ZNF599: variants seen among roughly 807,000 people sequenced by gnomAD.
ZNF599 encodes the protein zinc finger protein 599.
ZNF599 carries 10 observed loss-of-function variants against 11.7 expected under a neutral mutation model. That is an observed-to-expected ratio of 0.86 (90% CI 0.53 to 1.45). The LOEUF (loss-of-function observed/expected upper bound fraction) is 1.45, where lower values mean the gene tolerates loss of function less well. ZNF599 is among the 40% of genes most tolerant of loss of function. The pLI, the probability that ZNF599 is intolerant of heterozygous loss-of-function variation, is 0.00. For missense variants in ZNF599, 688 were observed against 713.6 expected (o/e 0.96, Z 0.41); for synonymous variants, 232 against 253.2 (o/e 0.92, Z 0.79).
chr19:34,767,269 G>T, intron 3 of ZNF599, 47 bp downstream of exon 3: 1 of 1,469,220 alleles, frequency 6.8e-7, no homozygotes, highest in Non-Finnish European at 9.5e-7. Flanking sequence ...TGCCTGGGTG[G>T]TCTGCAGGCT....
chr19:34,780,159 T>C, the ZNF599 span: 3 of 152,360 alleles, frequency 2.0e-5, no homozygotes, highest in African/African-American at 7.2e-5. Context: ...TGTATGATGA[T>C]TTCTGCCCTG....
chr19:34,772,806 G>A lies in ZNF599; in HGVS notation c.18+18C>T, dbSNP rs1254503447. On this transcript the variant is annotated intron_variant, in intron 1 of 3. Transcript: ENST00000329285. ...GCGGTGACCCGAGCTCGCGCGGGCT[G>A]CGGAACCCTCCACTCACCAACGCCG... The A allele has an allele frequency of 3.3e-6, 5 of 1,533,392 alleles. No individual in the cohort carries two copies. In the South Asian group the frequency reaches 4.8e-5, roughly 15 times the overall value. The allele number at this position is 1,533,392 out of a possible 1,614,324, so 95.0% of individuals were successfully genotyped here.
intron 2 of ZNF599, 119 bp downstream of exon 2, chr19:34,769,310 G>T: frequency 1.5e-6 from 2 of 1,378,662 alleles, no homozygotes; most frequent in Non-Finnish European, 2.0e-6. Flanking sequence ...ACCACAACGT[G>T]CTGAGGCTGC....
chr19:34,774,095 A>G (rs2069204587), upstream of ZNF599, among the ~76,000 whole-genome samples: 1 of 152,200 alleles, frequency 6.6e-6, no homozygotes, highest in Admixed American at 6.5e-5. Flanking sequence ...TATATGCAGG[A>G]GGGTTTCCTA....
chr19:34,798,905 A>G, the ZNF599 span, among the ~76,000 whole-genome samples: 1 of 152,132 alleles, frequency 6.6e-6, no homozygotes, highest in Non-Finnish European at 1.5e-5. Flanking sequence ...CATTTCACCC[A>G]TTCAACCCTC....
At chr19:34,780,980 C>A in the ZNF599 span, among the ~76,000 whole-genome samples, 3 of 151,880 alleles carry the variant, frequency 2.0e-5, no homozygotes, top group Non-Finnish European at 4.4e-5. Context: ...CACGATGAAA[C>A]CCCATCTCTA....
Position 34,759,939 on chromosome 19 carries a change from A to G in ZNF599, c.862T>C (p.Cys288Arg). The G allele has an allele frequency of 6.2e-7, 1 of 1,614,188 alleles. No individual in the cohort carries two copies. The highest frequency in any genetic ancestry group is 8.5e-7 in the Non-Finnish European group (1 of 1,180,038). Residue 288 changes from cysteine to arginine, a missense_variant, in exon 4 of 4, where the codon TGT (cysteine) becomes CGT (arginine). Coordinates refer to ENST00000329285, the MANE Select transcript of ZNF599 (RefSeq NM_001007248.3). Reference protein sequence around the residue: ...TGDKPYECKECGKAFTHRSSF... With the variant: ...TGDKPYECKERGKAFTHRSSF... ...GAGCGGTGGGTGAATGCTTTGCCAC[A>G]TTCTTTGCACTCATAGGGCTTATCT...
the ZNF599 span, among the ~76,000 whole-genome samples, chr19:34,807,197 G>A: frequency 2.6e-5 from 4 of 152,238 alleles, no homozygotes; most frequent in East Asian, 5.8e-4. Flanking sequence ...GAGCTCTCCC[G>A]CTTCCCCCAG....
chr19:34,785,058 G>A, the ZNF599 span, among the ~76,000 whole-genome samples: 1 of 148,762 alleles, frequency 6.7e-6, no homozygotes, highest in South Asian at 2.3e-4. Context: ...TGGACCGTCA[G>A]ACTCAACATG....
intron 3 of ZNF599, among the ~76,000 whole-genome samples, chr19:34,766,399 C>T (rs139526380): frequency 1.8e-3 from 267 of 152,232 alleles, no homozygotes; most frequent in African/African-American, 5.5e-3. Context: ...CAATAAATGA[C>T]GGGCTGGAGA....
At position 34,759,438 on chromosome 19, in the gene ZNF599, C is replaced by T. The variant is rs770052394; in HGVS notation, c.1363G>A (p.Glu455Lys). Residue 455 changes from glutamate (E) to lysine (K), a missense_variant, in exon 4 of 4, where the codon GAA (glutamate) becomes AAA (lysine). Transcript: ENST00000329285. ...HTGEKPYECS[E>K]CGKAFTHHSV... ...TGGTGTGTAAAAGCCTTTCCACATT[C>T]ACTGCACTCATAAGGCTTCTCACCA... 6.2e-7 allele frequency: 1 copy of T among 1,614,040 alleles called. No individual in the cohort carries two copies. The highest frequency in any genetic ancestry group is 1.3e-5 in the African/African-American group (1 of 74,936).
chr19:34,786,410 G>A, the ZNF599 span, among the ~76,000 whole-genome samples: 5 of 152,138 alleles, frequency 3.3e-5, no homozygotes. Context: ...TCTCTCGCAA[G>A]AGTCCCGCTG....
chr19:34,772,427 G>T, intron 1 of ZNF599: 3 of 1,046,424 alleles, frequency 2.9e-6, no homozygotes, highest in Non-Finnish European at 3.5e-6. Flanking sequence ...GCAGGACCTA[G>T]AGAGTCCTTC....
In ZNF599 at chr19:34,772,744, C is replaced by G. The variant is rs953980657; in HGVS notation, c.18+80G>C. ...ATCAAAAGGGAGAAGCACAGAGTCC[C>G]GGCATCCGCCGTATTACAGCGGATG... On this transcript the variant is annotated intron_variant, in intron 1 of 3. Transcript: ENST00000329285. 4 of 1,531,904 alleles carry G rather than the reference C, an allele frequency of 2.6e-6. No homozygotes were observed. In the African/African-American group the frequency reaches 5.6e-5, roughly 21 times the overall value. 94.9% of individuals were successfully genotyped at this position (1,531,904 alleles called of 1,614,324 possible). A position where few individuals can be genotyped will look rare whatever the true frequency, so the allele number is the denominator to read the frequency against.
chr19:34,764,637 CA>C (rs1320545145), intron 3 of ZNF599: 2 of 152,136 alleles, frequency 1.3e-5, no homozygotes, highest in Non-Finnish European at 2.9e-5. Context: ...TAAAGATTAT[CA>C]AAAGAAGTCA....
chr19:34,790,991 TC>T, the ZNF599 span, among the ~76,000 whole-genome samples: 1 of 152,224 alleles, frequency 6.6e-6, no homozygotes, highest in Non-Finnish European at 1.5e-5. Flanking sequence ...AATAGCTAAG[TC>T]TTTTAGAGCC....
the ZNF599 span, among the ~76,000 whole-genome samples, chr19:34,790,375 G>T: frequency 6.6e-6 from 1 of 151,860 alleles, no homozygotes; most frequent in African/African-American, 2.4e-5. Context: ...AATGAATACA[G>T]GAAAAAATGA....
In ZNF599 at chr19:34,758,722, G is replaced by A; in HGVS notation, c.*312C>T. ...AGATGGATTTATAGTATTAATAAGA[G>A]GAAAGTTGTTCCTGACATTTTACCT... On this transcript the variant is annotated 3_prime_UTR_variant, in exon 4 of 4. Transcript: ENST00000329285. 4.2e-6 allele frequency: 1 copy of A among 237,620 alleles called. No individual in the cohort carries two copies. Among genetic ancestry groups the A allele is most frequent in the Non-Finnish European group, 8.1e-6 (1 of 122,820 alleles). 14.7% of individuals were successfully genotyped at this position (237,620 alleles called of 1,614,324 possible). A position where few individuals can be genotyped will look rare whatever the true frequency, so the allele number is the denominator to read the frequency against.
chr19:34,780,096 C>G, the ZNF599 span: 1 of 152,578 alleles, frequency 6.6e-6, no homozygotes, highest in African/African-American at 2.4e-5. Context: ...TTCTCTGCAT[C>G]TGTTGCTGGG....
Sources: gnomAD v4.1 joint callset for allele counts (sites outside exome capture counted in the v4.1 genomes callset) on GRCh38, gnomAD v4.1.1 for gene constraint, MANE v1.5 for transcripts, NCBI Gene and HGNC (gene_info 2026-07-23, HGNC 2026-07-21) for gene names.